Variants in CPE observed in about 807,000 individuals in gnomAD.
The protein encoded by CPE is carbocypeptidase E.
In CPE, 17 loss-of-function variants were observed where a neutral mutation model predicts 53.5. That is an observed-to-expected ratio of 0.32 (90% CI 0.22 to 0.48). The LOEUF (loss-of-function observed/expected upper bound fraction) is 0.48, where lower values mean the gene tolerates loss of function less well. Ranked by LOEUF, CPE falls within the 20% of genes least tolerant of loss-of-function variation. The pLI, the probability that CPE is intolerant of heterozygous loss-of-function variation, is 0.99. For missense variants in CPE, 524 were observed against 614.7 expected, an observed-to-expected ratio of 0.85 and a Z score of 1.56; for synonymous variants, 226 against 228.8, an observed-to-expected ratio of 0.99 and a Z score of 0.11.
At chr4:165,421,167 A>G (rs914977277) in intron 1 of CPE, among the ~76,000 whole-genome samples, 6 of 152,212 alleles carry the variant, frequency 3.9e-5, no homozygotes, top group Non-Finnish European at 8.8e-5. Flanking sequence ...CCTAAGGCTG[A>G]TCCAATAGCA....
chr4:165,467,683 T>A lies in CPE; in HGVS notation c.505-5T>A, dbSNP rs1732131608. The A allele has an allele frequency of 6.4e-7, 1 of 1,572,146 alleles. No homozygotes were observed. The highest frequency in any genetic ancestry group is 8.6e-7 in the Non-Finnish European group (1 of 1,166,108). The stretch of plus-strand genomic sequence containing the variant: ...GATTTTTCTCTTTGACTTTTTTTTT[T>A]TTAGCCTGGTGAACTCAAGGACTGG... On this transcript the variant is annotated splice_polypyrimidine_tract_variant and splice_region_variant and intron_variant, in intron 2 of 8. Transcript: ENST00000402744.
intron 1 of CPE, among the ~76,000 whole-genome samples, chr4:165,396,863 A>C (rs1730774518): frequency 6.7e-6 from 1 of 150,284 alleles, no homozygotes; most frequent in African/African-American, 2.5e-5. Flanking sequence ...CAGCCTGAGC[A>C]ACATGGCGAA....
intron 1 of CPE, among the ~76,000 whole-genome samples, chr4:165,453,894 AAAT>A (rs1731855899): frequency 6.6e-6 from 1 of 152,208 alleles, no homozygotes; most frequent in Non-Finnish European, 1.5e-5. Flanking sequence ...AGTTTATAAA[AAAT>A]AATGTCAGAG....
intron 3 of CPE, among the ~76,000 whole-genome samples, chr4:165,475,637 G>A (rs561223846): frequency 1.3e-5 from 2 of 152,278 alleles, no homozygotes; most frequent in Admixed American, 1.3e-4. Flanking sequence ...AATAGGTGGA[G>A]TAAAAAGGAG....
intron 1 of CPE, among the ~76,000 whole-genome samples, chr4:165,387,068 C>G (rs1009230413): frequency 3.3e-5 from 5 of 152,286 alleles, no homozygotes; most frequent in Non-Finnish European, 5.9e-5. Flanking sequence ...GAACGTTTCT[C>G]TTTCTTTGAA....
chr4:165,389,874 A>C (rs137968726), intron 1 of CPE, among the ~76,000 whole-genome samples: 11 of 152,290 alleles, frequency 7.2e-5, no homozygotes, highest in African/African-American at 2.6e-4. Flanking sequence ...TTTCTTAAGG[A>C]GTCTTTTTCA....
chr4:165,441,118 A>G (rs1731602545), intron 1 of CPE, among the ~76,000 whole-genome samples: 2 of 152,220 alleles, frequency 1.3e-5, no homozygotes, highest in African/African-American at 4.8e-5. Flanking sequence ...GGGTGACCAC[A>G]TGTTTGGGTT....
chr4:165,426,692 C>G lies in CPE; in HGVS notation c.308-37698C>G, dbSNP rs562724005. The stretch of plus-strand genomic sequence containing the variant: ...TGGATTAAAGAAATACACATGCACA[C>G]TCACCGGTTTGAGAAAATTCAGAAA... On this transcript the variant is annotated intron_variant, in intron 1 of 8. Coordinates refer to ENST00000402744, the MANE Select transcript of CPE (RefSeq NM_001873.4). Among the ~76,000 whole-genome samples the G allele has an allele frequency of 2.6e-4, 39 of 152,336 alleles. No homozygotes were observed. In the South Asian group the frequency reaches 7.7e-3, roughly 30 times the overall value.
At position 165,417,917 on chromosome 4, in the gene CPE, T is replaced by TA. The variant is rs535399099; in HGVS notation, c.307+38390dup. Among the ~76,000 whole-genome samples the TA allele has an allele frequency of 3.3e-5, 5 of 152,282 alleles. No homozygotes were observed. In the South Asian group the frequency reaches 8.3e-4, roughly 25 times the overall value. On this transcript the variant is annotated intron_variant, in intron 1 of 8. Transcript: ENST00000402744. The stretch of plus-strand genomic sequence containing the variant: ...TATTCAGTATTAACAAAGTCTGACT[T>TA]ACTTTTTTGTTTTTGTTCTGTGTGG...
chr4:165,411,477 A>G (rs1362818572), intron 1 of CPE, among the ~76,000 whole-genome samples: 1 of 152,170 alleles, frequency 6.6e-6, no homozygotes, highest in East Asian at 1.9e-4. Context: ...TTGGTAAATC[A>G]GTGTCATACC....
chr4:165,407,149 AT>A (rs1426554272), intron 1 of CPE, among the ~76,000 whole-genome samples: 1 of 152,138 alleles, frequency 6.6e-6, no homozygotes, highest in African/African-American at 2.4e-5. Flanking sequence ...TTTGTTTAAC[AT>A]TTTCAGGAAC....
rs1222188413 is a variant in CPE at position 165,482,438 on chromosome 4, T to G, written c.790+79T>G. 4 of 1,016,058 alleles carry G rather than the reference T, an allele frequency of 3.9e-6. No homozygotes were observed. The African/African-American group carries it at 6.5e-5, about 17-fold the overall frequency. The allele number at this position is 1,016,058 out of a possible 1,614,324, so 62.9% of individuals were successfully genotyped here. ...GGTTTTATAAGATGATTTCTGTAAT[T>G]TTTTTTAAGGAACTGAACATTAAGT... On this transcript the variant is annotated intron_variant, in intron 4 of 8. Transcript: ENST00000402744.
chr4:165,451,163 G>A (rs894738293), intron 1 of CPE, among the ~76,000 whole-genome samples: 2 of 152,298 alleles, frequency 1.3e-5, no homozygotes, highest in East Asian at 3.9e-4. Context: ...CAAATTTGAG[G>A]AGCCCTGCCA....
intron 7 of CPE, among the ~76,000 whole-genome samples, chr4:165,493,510 A>C (rs1009804617): frequency 2.0e-5 from 3 of 152,082 alleles, no homozygotes; most frequent in African/African-American, 7.2e-5. Flanking sequence ...TTCCTCAGCT[A>C]TCTCGCCCCA....
At chr4:165,427,712 T>C (rs559708051) in intron 1 of CPE, among the ~76,000 whole-genome samples, 1 of 152,332 alleles carries the variant, frequency 6.6e-6, no homozygotes, top group South Asian at 2.1e-4. Context: ...AGTATTCCAT[T>C]GTATCACTCA....
In CPE at chr4:165,482,322, C is replaced by A; in HGVS notation, c.753C>A (p.Asp251Glu). The A allele has an allele frequency of 6.2e-7, 1 of 1,613,824 alleles. No homozygotes were observed. Among genetic ancestry groups the A allele is most frequent in the South Asian group, 1.1e-5 (1 of 91,066 alleles). Residue 251 changes from aspartate to glutamate, a missense_variant, in exon 4 of 9, where the codon GAC becomes GAA. Asp to Glu is a conservative substitution (Grantham distance 45, BLOSUM62 2). Coordinates refer to ENST00000402744, the MANE Select transcript of CPE (RefSeq NM_001873.4). Reference sequence around the variant, plus strand: ...TTTCTGCCAATCTCCATGGAGGAGACCTTGTGGCCAATTATCCATATGATG... The same window carrying A: ...TTTCTGCCAATCTCCATGGAGGAGAACTTGTGGCCAATTATCCATATGATG... ...FVLSANLHGG[D>E]LVANYPYDET...
At chr4:165,436,402 C>T (rs2126682510) in intron 1 of CPE, among the ~76,000 whole-genome samples, 1 of 152,232 alleles carries the variant, frequency 6.6e-6, no homozygotes, top group Non-Finnish European at 1.5e-5. Context: ...AATATATAGG[C>T]ATGACAGTGT....
intron 1 of CPE, among the ~76,000 whole-genome samples, chr4:165,442,067 G>C (rs1482870580): frequency 8.2e-6 from 1 of 121,804 alleles, no homozygotes; most frequent in African/African-American, 3.4e-5. Context: ...TTTTGAGACA[G>C]GGTCTAGCTC....
chr4:165,395,293 G>A (rs1730744829), intron 1 of CPE, among the ~76,000 whole-genome samples: 1 of 152,160 alleles, frequency 6.6e-6, no homozygotes, highest in African/African-American at 2.4e-5. Context: ...AAAGTATTAA[G>A]TCTGAATTAT....
Sources: gnomAD v4.1 joint callset for allele counts (sites outside exome capture counted in the v4.1 genomes callset) on GRCh38, gnomAD v4.1.1 for gene constraint, MANE v1.5 for transcripts, NCBI Gene and HGNC (gene_info 2026-07-23, HGNC 2026-07-21) for gene names.